The following COQ8A variants were observed in gnomAD, a reference collection of about 807,000 sequenced individuals.
COQ8A encodes the protein coenzyme Q8A, also known as atypical kinase COQ8A, mitochondrial.
Under a neutral mutation model 65.0 loss-of-function variants are expected in COQ8A, and 51 were observed. The ratio of observed to expected loss-of-function variants is 0.78; its 90% CI spans 0.63 to 0.99. The LOEUF is 0.99. Among genes scored for constraint, COQ8A ranks in the 50% least tolerant of loss-of-function variants. The pLI is 0.00. For synonymous variants in COQ8A, 371 were observed against 353.2 expected, an observed-to-expected ratio of 1.05 and a Z score of -0.57; for missense variants, 940 against 875.0, an observed-to-expected ratio of 1.07 and a Z score of -0.94.
chr1:226,975,622 G>T (rs1659145727), intron 4 of COQ8A, among the ~76,000 whole-genome samples: 1 of 152,074 alleles, frequency 6.6e-6, no homozygotes, highest in Non-Finnish European at 1.5e-5. Flanking sequence ...TATATGTGTG[G>T]CTTGCCTTCT....
intron 1 of COQ8A, among the ~76,000 whole-genome samples, chr1:226,940,899 G>A (rs1480637185): frequency 6.6e-6 from 1 of 152,194 alleles, no homozygotes; most frequent in East Asian, 1.9e-4. Context: ...CAGCTGTTGG[G>A]CTTCGCAGGT....
At chr1:226,954,632 A>G (rs1302925271) in intron 1 of COQ8A, among the ~76,000 whole-genome samples, 2 of 152,232 alleles carry the variant, frequency 1.3e-5, no homozygotes, top group African/African-American at 4.8e-5. Context: ...ATGTGGAGTA[A>G]AAGTTGCCAG....
At chr1:226,979,930 C>T (rs1009974810) in intron 5 of COQ8A, among the ~76,000 whole-genome samples, 3 of 152,238 alleles carry the variant, frequency 2.0e-5, no homozygotes, top group Admixed American at 6.5e-5. Context: ...TGGCTGTTCT[C>T]CAGACTACCT....
At chr1:226,973,506 C>T (rs890610047) in intron 4 of COQ8A, among the ~76,000 whole-genome samples, 3 of 152,194 alleles carry the variant, frequency 2.0e-5, no homozygotes, top group African/African-American at 7.2e-5. Flanking sequence ...TAATTAGGCC[C>T]CAGAGGGGCT....
chr1:226,969,908 C>A (rs1658784564), intron 4 of COQ8A, among the ~76,000 whole-genome samples: 1 of 152,130 alleles, frequency 6.6e-6, no homozygotes, highest in African/African-American at 2.4e-5. Flanking sequence ...GTTATGTCCC[C>A]CTTTTTCTCA....
chr1:226,956,725 C>T (rs1657791432), intron 1 of COQ8A, among the ~76,000 whole-genome samples: 1 of 123,462 alleles, frequency 8.1e-6, no homozygotes, highest in Non-Finnish European at 1.7e-5. Context: ...CCCTGGCTGC[C>T]ACTCCCTGGT....
rs182936343 is a variant in COQ8A at position 226,953,177 on chromosome 1, A to C, written c.-9-8200A>C. Among the ~76,000 whole-genome samples, 1,171 of 152,144 alleles carry C rather than the reference A, an allele frequency of 7.7e-3. 4 individuals are homozygous for C. The highest frequency in any genetic ancestry group is 0.027 in the Middle Eastern group (8 of 294). ...CCCGAGTAGCTGGGATTACAGGCGC[A>C]TGCCACCACGCTTGGATAACTTTCG... On this transcript the variant is annotated intron_variant, in intron 1 of 14. Transcript: ENST00000366777.
At chr1:226,959,645 G>A (rs1658027882) in intron 1 of COQ8A, among the ~76,000 whole-genome samples, 2 of 152,216 alleles carry the variant, frequency 1.3e-5, no homozygotes, top group Non-Finnish European at 2.9e-5. Flanking sequence ...TTATTGATTT[G>A]AGAAGAACAG....
chr1:226,956,977 C>G (rs1163312432), intron 1 of COQ8A, among the ~76,000 whole-genome samples: 5 of 137,784 alleles, frequency 3.6e-5, no homozygotes, highest in Admixed American at 3.5e-4. Context: ...GGCTGCCACT[C>G]TCCCTGGCTG....
rs1658515521 is a variant in COQ8A, at chr1:226,965,606, A to C, written c.589-65A>C. On this transcript the variant is annotated intron_variant, in intron 3 of 14. Transcript: ENST00000366777. The stretch of plus-strand genomic sequence containing the variant: ...GGAGAGGAGATGTGGGGGCAACAGG[A>C]GCCTCTGAAGGTTGGTCCTGTCCCC... 25 of 1,578,656 alleles carry C rather than the reference A, an allele frequency of 1.6e-5. No individual in the cohort carries two copies. The South Asian group carries it at 2.8e-4, about 18-fold the overall frequency.
chr1:226,978,891 T>G (rs181427383), intron 5 of COQ8A, among the ~76,000 whole-genome samples: 1 of 61,194 alleles, frequency 1.6e-5, no homozygotes, highest in Admixed American at 1.7e-4. Flanking sequence ...CACCCACCAA[T>G]CACCCACTGA....
At chr1:226,979,721 G>C (rs1262332224) in intron 5 of COQ8A, among the ~76,000 whole-genome samples, 1 of 152,192 alleles carries the variant, frequency 6.6e-6, no homozygotes, top group African/African-American at 2.4e-5. Flanking sequence ...TGGGGCAAGG[G>C]CACTAGTCCA....
rs1014575164 is a variant in COQ8A, at chr1:226,965,721, G to C, written c.639G>C (p.Arg213=). 5 of 1,613,712 alleles carry C rather than the reference G, an allele frequency of 3.1e-6. No homozygotes were observed. The highest frequency in any genetic ancestry group is 2.7e-5 in the African/African-American group (2 of 74,938). The change falls in exon 4 of 15, where the codon CGG becomes CGC. Residue 213 remains arginine, a synonymous_variant. Transcript: ENST00000366777. ...ERKVPVTRIG[R]LANFGGLAVG... is the part of the protein sequence containing the mutation. ...AGGTGCCTGTGACGAGGATTGGCCG[G>C]CTGGCCAACTTCGGAGGTAAGGTGG...
chr1:226,983,608 GAACATGAGC>G lies in COQ8A; in HGVS notation c.1144_1152del (p.Ser382_Met384del). 1.2e-6 allele frequency: 2 copies of G among 1,613,974 alleles called. No homozygotes were observed. Among genetic ancestry groups the G allele is most frequent in the Non-Finnish European group, 1.7e-6 (2 of 1,180,026 alleles). Reference sequence around the variant, plus strand: ...ATGTCAACAACCTCATGGCCGTGTTGAACATGAGCAACATGCTTCCAGAAGGTCTGAGGC... The same window carrying G: ...ATGTCAACAACCTCATGGCCGTGTTGAACATGCTTCCAGAAGGTCTGAGGC... On this transcript the variant is annotated inframe_deletion, in exon 9 of 15. Coordinates refer to ENST00000366777, the MANE Select transcript of COQ8A (RefSeq NM_020247.5).
intron 2 of COQ8A, among the ~76,000 whole-genome samples, 187 bp from the exon 3 acceptor site, chr1:226,964,813 G>A (rs988949331): frequency 3.3e-5 from 5 of 152,236 alleles, no homozygotes; most frequent in African/African-American, 1.2e-4. Flanking sequence ...ACAGAAGCAG[G>A]GCTGGAGCCC....
In COQ8A at chr1:226,983,589, A is replaced by T. The variant is rs887056395; in HGVS notation, c.1118A>T (p.Asn373Ile). Reference protein sequence around the residue: ...GVAQSINSDVNNLMAVLNMSN... With the variant: ...GVAQSINSDVINLMAVLNMSN... ...GCCCAGAGCATCAACAGTGATGTCA[A>T]CAACCTCATGGCCGTGTTGAACATG... is the stretch of plus-strand genomic sequence containing the variant. The change falls in exon 9 of 15, where the codon AAC (asparagine) becomes ATC (isoleucine). Residue 373 changes from asparagine (N) to isoleucine (I), a missense_variant. By Grantham distance (149) the Asn-to-Ile change is moderately radical. Coordinates refer to ENST00000366777, the MANE Select transcript of COQ8A (RefSeq NM_020247.5). The T allele has an allele frequency of 6.2e-7, 1 of 1,613,976 alleles. No individual in the cohort carries two copies. The highest frequency in any genetic ancestry group is 8.5e-7 in the Non-Finnish European group (1 of 1,180,008).
intron 1 of COQ8A, among the ~76,000 whole-genome samples, chr1:226,947,815 A>C (rs1036222666): frequency 1.4e-4 from 21 of 151,672 alleles, no homozygotes; most frequent in South Asian, 1.2e-3. Flanking sequence ...ATATATATAT[A>C]TATCTATCTG....
At chr1:226,956,974 A>G (rs1344169681) in intron 1 of COQ8A, among the ~76,000 whole-genome samples, 1 of 68,980 alleles carries the variant, frequency 1.4e-5, no homozygotes. Flanking sequence ...CCTGGCTGCC[A>G]CTCTCCCTGG....
intron 4 of COQ8A, among the ~76,000 whole-genome samples, chr1:226,976,964 G>T (rs1000634936): frequency 1.3e-5 from 2 of 152,216 alleles, no homozygotes; most frequent in African/African-American, 4.8e-5. Context: ...TGCTTTGTAT[G>T]CCTGTGGCAA....
Sources: allele counts gnomAD v4.1 joint callset (sites outside exome capture counted in the v4.1 genomes callset), GRCh38; gene constraint gnomAD v4.1.1; transcripts MANE v1.5; gene names NCBI Gene and HGNC (gene_info 2026-07-23, HGNC 2026-07-21).